Variants in GNG7 observed in about 807,000 individuals in gnomAD.
The protein encoded by GNG7 is G protein subunit gamma 7.
GNG7 carries 1 observed loss-of-function variant against 4.0 expected under a neutral mutation model. The observed-to-expected ratio is 0.25, with a 90% CI of 0.09 to 1.18. The LOEUF is 1.18. Among genes scored for constraint, GNG7 ranks in the 50% most tolerant of loss-of-function variants. The pLI is 0.50. For missense variants in GNG7, 86 were observed against 91.9 expected (o/e 0.94, Z 0.26); for synonymous variants, 34 against 36.9 (o/e 0.92, Z 0.29).
chr19:2,618,665 T>A lies in GNG7; in HGVS notation c.-78+27559A>T, dbSNP rs926556479. Among the ~76,000 whole-genome samples, 7 of 152,012 alleles carry A rather than the reference T, an allele frequency of 4.6e-5. No homozygotes were observed. Among genetic ancestry groups the A allele is most frequent in the South Asian group, 2.1e-4 (1 of 4,812 alleles). On this transcript the variant is annotated intron_variant, in intron 2 of 4. Transcript: ENST00000382159. This position sits in a 1 kb window ranked among gnomAD's most constrained non-coding sequence, Gnocchi z 5.1. ...TGCCCAGCCTGTTCTATTTTTTTTT[T>A]AATAAACAATTTTATTTGGAGTAAT...
chr19:2,620,361 C>A (rs889921360), intron 2 of GNG7, among the ~76,000 whole-genome samples: 1 of 151,668 alleles, frequency 6.6e-6, no homozygotes, highest in African/African-American at 2.4e-5. Context: ...AGGTCACTGC[C>A]CCCCTCACAA....
intron 3 of GNG7, chr19:2,538,505 C>A: frequency 2.9e-6 from 1 of 350,446 alleles, no homozygotes; most frequent in South Asian, 2.3e-5. Flanking sequence ...GTGGTGCACA[C>A]CTGTAGTTCC....
At chr19:2,570,760 A>G (rs976905126) in intron 2 of GNG7, among the ~76,000 whole-genome samples, 1 of 152,182 alleles carries the variant, frequency 6.6e-6, no homozygotes, top group African/African-American at 2.4e-5. Flanking sequence ...AATTCACACA[A>G]GGAAACAAAA....
intron 2 of GNG7, among the ~76,000 whole-genome samples, chr19:2,573,834 C>T (rs1169029750): frequency 6.6e-6 from 1 of 152,112 alleles, no homozygotes; most frequent in South Asian, 2.1e-4. Flanking sequence ...CAGAGCAAGA[C>T]TCCATCTTAA....
intron 2 of GNG7, among the ~76,000 whole-genome samples, chr19:2,602,773 T>G (rs907082015): frequency 6.6e-6 from 1 of 152,132 alleles, no homozygotes; most frequent in African/African-American, 2.4e-5. Context: ...CCCTCCCTTT[T>G]CCTTCAATCA....
rs1599366188 is a variant in GNG7, at chr19:2,512,301, T to G, written c.*2721A>C. The G allele has an allele frequency of 6.1e-6, 6 of 985,484 alleles. No homozygotes were observed. The highest frequency in any genetic ancestry group is 7.2e-6 in the Non-Finnish European group (6 of 829,866). The allele number at this position is 985,484 out of a possible 1,614,324, so 61.0% of individuals were successfully genotyped here. A position where few individuals can be genotyped will look rare whatever the true frequency, so the allele number is the denominator to read the frequency against. On this transcript the variant is annotated 3_prime_UTR_variant, in exon 5 of 5. Transcript: ENST00000382159. The surrounding 1 kb of genome is among the most constrained non-coding windows in gnomAD (Gnocchi z 4.7). ...GTGGCGGTCGGTGTGTGCACTCGGG[T>G]GCCACGTCTGCAAAGGTATTTTCCA...
chr19:2,536,425 AAAAAGAAAAG>A (rs532486919), intron 3 of GNG7, among the ~76,000 whole-genome samples: 42 of 152,154 alleles, frequency 2.8e-4, no homozygotes, highest in African/African-American at 7.5e-4. Context: ...TCTCAAAAAA[AAAAAGAAAAG>A]AAAAGAAAAG....
intron 2 of GNG7, among the ~76,000 whole-genome samples, chr19:2,583,959 C>T (rs1383582168): frequency 6.6e-6 from 1 of 152,056 alleles, no homozygotes; most frequent in Non-Finnish European, 1.5e-5. Flanking sequence ...CAGAAAAGTC[C>T]ATACATGTGT....
rs527466753 is a variant in GNG7, at chr19:2,658,241, A to G, written c.-134-11961T>C. On this transcript the variant is annotated intron_variant, in intron 1 of 4. Coordinates refer to ENST00000382159, the MANE Select transcript of GNG7 (RefSeq NM_052847.3). The stretch of plus-strand genomic sequence containing the variant: ...AACGCCCCTCACCCAGTTTCCCCTC[A>G]TGTTAGTATCTTACATCTGGGGTCT... Among the ~76,000 whole-genome samples the G allele has an allele frequency of 2.6e-5, 4 of 152,116 alleles. 1 individual carries two copies. The highest frequency in any genetic ancestry group is 5.9e-5 in the Non-Finnish European group (4 of 68,024).
chr19:2,512,298 G>C lies in GNG7; in HGVS notation c.*2724C>G. Reference sequence around the variant, plus strand: ...CATGTGGCGGTCGGTGTGTGCACTCGGGTGCCACGTCTGCAAAGGTATTTT... The same window carrying C: ...CATGTGGCGGTCGGTGTGTGCACTCCGGTGCCACGTCTGCAAAGGTATTTT... On this transcript the variant is annotated 3_prime_UTR_variant, in exon 5 of 5. Transcript: ENST00000382159. The surrounding 1 kb of genome is among the most constrained non-coding windows in gnomAD (Gnocchi z 4.7). The C allele has an allele frequency of 1.0e-6, 1 of 985,802 alleles. No homozygotes were observed. Among genetic ancestry groups the C allele is most frequent in the Non-Finnish European group, 1.2e-6 (1 of 829,928 alleles). 61.1% of individuals were successfully genotyped at this position (985,802 alleles called of 1,614,324 possible). A position where few individuals can be genotyped will look rare whatever the true frequency, so the allele number is the denominator to read the frequency against.
intron 3 of GNG7, among the ~76,000 whole-genome samples, chr19:2,542,519 C>T (rs1302062505): frequency 2.6e-5 from 4 of 152,076 alleles, no homozygotes; most frequent in Admixed American, 1.3e-4. Flanking sequence ...TCAGGAAGAA[C>T]CTGAATGAGC....
intron 1 of GNG7, among the ~76,000 whole-genome samples, chr19:2,669,905 G>C (rs538557041): frequency 6.6e-6 from 1 of 151,888 alleles, no homozygotes; most frequent in East Asian, 1.9e-4. Context: ...AGCTACTCGG[G>C]AGGCTGAGGC....
At chr19:2,543,218 C>T (rs1473753846) in intron 3 of GNG7, among the ~76,000 whole-genome samples, 1 of 131,134 alleles carries the variant, frequency 7.6e-6, no homozygotes, top group Admixed American at 7.9e-5. Flanking sequence ...CGTGCCTGGC[C>T]TCCTTTTTTT....
At chr19:2,538,207 G>A (rs983573891) in intron 3 of GNG7, 1 of 456,752 alleles carries the variant, frequency 2.2e-6, no homozygotes, top group South Asian at 1.5e-5. Context: ...ATTGTAAAAA[G>A]AGAACATACA....
chr19:2,608,540 C>T (rs1308901870), intron 2 of GNG7, among the ~76,000 whole-genome samples: 1 of 152,232 alleles, frequency 6.6e-6, no homozygotes, highest in Non-Finnish European at 1.5e-5. Context: ...CACACCTGTG[C>T]CTCTCGAGTC....
At chr19:2,630,074 T>C (rs1982119163) in intron 2 of GNG7, among the ~76,000 whole-genome samples, 4 of 152,066 alleles carry the variant, frequency 2.6e-5, no homozygotes, top group Admixed American at 2.6e-4. Context: ...GGACACAGCC[T>C]GCCACCTACT....
chr19:2,642,889 C>A (rs1294964356), intron 2 of GNG7: 2 of 455,008 alleles, frequency 4.4e-6, no homozygotes, highest in Admixed American at 2.4e-5. Flanking sequence ...GCTCTGCACA[C>A]CTTCCCGCCC....
intron 2 of GNG7, among the ~76,000 whole-genome samples, chr19:2,601,262 G>A (rs1406377640): frequency 1.3e-5 from 2 of 152,166 alleles, no homozygotes; most frequent in African/African-American, 4.8e-5. Flanking sequence ...GTACAGCTGG[G>A]ATGCCTGTTG....
intron 1 of GNG7, among the ~76,000 whole-genome samples, chr19:2,659,034 A>G (rs1291025072): frequency 6.6e-6 from 1 of 151,556 alleles, no homozygotes; most frequent in Non-Finnish European, 1.5e-5. Flanking sequence ...CAGTGGCACA[A>G]TCTCGGCTCA....
Sources: gnomAD v4.1 joint callset for allele counts (sites outside exome capture counted in the v4.1 genomes callset) on GRCh38, gnomAD v4.1.1 for gene constraint, Gnocchi (gnomAD v3.1) non-coding constraint, MANE v1.5 for transcripts, NCBI Gene and HGNC (gene_info 2026-07-23, HGNC 2026-07-21) for gene names.